The following CARMIL1 variants were observed in gnomAD, a reference collection of about 807,000 sequenced individuals.
CARMIL1 encodes the protein capping protein regulator and myosin 1 linker 1.
CARMIL1 carries 90 observed loss-of-function variants against 177.1 expected under a neutral mutation model. The observed-to-expected ratio is 0.51, with a 90% CI of 0.43 to 0.61. The LOEUF is 0.61. Among genes scored for constraint, CARMIL1 ranks in the 20% least tolerant of loss-of-function variants. The pLI is 0.00. For missense variants in CARMIL1, 1,380 were observed against 1,667.0 expected, an observed-to-expected ratio of 0.83 and a Z score of 3.00; for synonymous variants, 577 against 606.2, an observed-to-expected ratio of 0.95 and a Z score of 0.71.
chr6:25,584,883 C>T (rs1813489992), intron 31 of CARMIL1, among the ~76,000 whole-genome samples: 1 of 152,196 alleles, frequency 6.6e-6, no homozygotes, highest in Admixed American at 6.5e-5. Context: ...TTTGGGGTAG[C>T]ATGTCCCAAC....
chr6:25,410,737 A>G (rs935706354), intron 2 of CARMIL1, among the ~76,000 whole-genome samples: 1 of 152,106 alleles, frequency 6.6e-6, no homozygotes, highest in African/African-American at 2.4e-5. Context: ...TTTAGAGTTG[A>G]TTTGGTTTCT....
chr6:25,387,150 A>C (rs1013339231), intron 2 of CARMIL1, among the ~76,000 whole-genome samples: 8 of 151,530 alleles, frequency 5.3e-5, no homozygotes, highest in African/African-American at 1.7e-4. Context: ...CAGACTAGAT[A>C]ACACTCTATG....
intron 5 of CARMIL1, among the ~76,000 whole-genome samples, chr6:25,441,308 C>G (rs1797718639): frequency 1.2e-5 from 1 of 84,804 alleles, no homozygotes; most frequent in African/African-American, 5.0e-5. Flanking sequence ...TCAAAACAAA[C>G]AAACAAACAA....
chr6:25,585,051 T>C (rs767360707), intron 31 of CARMIL1, among the ~76,000 whole-genome samples: 8 of 152,192 alleles, frequency 5.3e-5, no homozygotes, highest in Non-Finnish European at 1.0e-4. Context: ...TAGATCTGGC[T>C]TTTTCCCAGA....
chr6:25,381,989 A>G (rs1465005247), intron 2 of CARMIL1, among the ~76,000 whole-genome samples: 5 of 152,226 alleles, frequency 3.3e-5, no homozygotes, highest in African/African-American at 1.2e-4. Context: ...AAACTCAAGT[A>G]TGATTGAAAA....
intron 5 of CARMIL1, among the ~76,000 whole-genome samples, chr6:25,436,727 T>C (rs72831267): frequency 0.25 from 38,142 of 152,144 alleles, 5,269 homozygotes; most frequent in Non-Finnish European, 0.31. Flanking sequence ...TGCCCTGTGC[T>C]TGCTGGTTGT....
chr6:25,577,484 G>A lies in CARMIL1; in HGVS notation c.2743-3440G>A, dbSNP rs371872541. ...TCTTTCTACAGCCTTGGTGGTGGGGGGAAGTAATTATGGATTCTTGAACTT... is the reference window on the plus strand; with the variant it reads ...TCTTTCTACAGCCTTGGTGGTGGGGAGAAGTAATTATGGATTCTTGAACTT... On this transcript the variant is annotated intron_variant, in intron 29 of 36. Transcript: ENST00000329474. The surrounding 1 kb of genome is among the most constrained non-coding windows in gnomAD (Gnocchi z 4.5). Among the ~76,000 whole-genome samples, 58 of 151,792 alleles carry A rather than the reference G, an allele frequency of 3.8e-4. No homozygotes were observed. The highest frequency in any genetic ancestry group is 1.2e-3 in the African/African-American group (50 of 41,386).
At chr6:25,400,336 T>G (rs1793783643) in intron 2 of CARMIL1, among the ~76,000 whole-genome samples, 1 of 152,198 alleles carries the variant, frequency 6.6e-6, no homozygotes, top group African/African-American at 2.4e-5. Flanking sequence ...TCTGACTGCT[T>G]TATCTTCAGT....
At chr6:25,432,786 A>G (rs1162934638) in intron 4 of CARMIL1, 2 of 152,332 alleles carry the variant, frequency 1.3e-5, no homozygotes, top group East Asian at 3.9e-4. Context: ...CAGGTCTGTT[A>G]GCTGGGGATT....
rs1369492739 is a variant in CARMIL1, at chr6:25,460,957, TCACCG to T, written c.615-4915_615-4911del. Among the ~76,000 whole-genome samples the T allele has an allele frequency of 1.7e-3, 256 of 152,354 alleles. 2 individuals carry two copies. The highest frequency in any genetic ancestry group is 5.9e-3 in the African/African-American group (246 of 41,578). On this transcript the variant is annotated intron_variant, in intron 8 of 36. Transcript: ENST00000329474. ...AAGACTTACATGTATCAATTTTCAA[TCACCG>T]TTCCCTCCTTCTCCGCTTGCCCCAC... is the stretch of plus-strand genomic sequence containing the variant.
intron 2 of CARMIL1, among the ~76,000 whole-genome samples, chr6:25,362,394 G>T (rs1789306161): frequency 6.6e-6 from 1 of 152,226 alleles, no homozygotes. Flanking sequence ...CACTACACGG[G>T]CCGGGCGTGG....
In CARMIL1 at chr6:25,326,579, A is replaced by C. The variant is rs998837166; in HGVS notation, c.138+41670A>C. ...CAGAATGACCTGGAAACCTGTAAGA[A>C]ATGCATACTTCAAGTCTTATTATGG... On this transcript the variant is annotated intron_variant, in intron 2 of 36. Coordinates refer to ENST00000329474, the MANE Select transcript of CARMIL1 (RefSeq NM_017640.6). The surrounding 1 kb of genome is among the most constrained non-coding windows in gnomAD (Gnocchi z 4.2). 1.6e-4 allele frequency among the ~76,000 whole-genome samples: 25 copies of C among 152,308 alleles called. No individual in the cohort carries two copies. Among genetic ancestry groups the C allele is most frequent in the African/African-American group, 5.8e-4 (24 of 41,578 alleles).
chr6:25,476,052 A>G (rs1012968101), intron 11 of CARMIL1, among the ~76,000 whole-genome samples: 1 of 152,190 alleles, frequency 6.6e-6, no homozygotes, highest in Non-Finnish European at 1.5e-5. Flanking sequence ...TCCACAATCA[A>G]CAAATATTTT....
chr6:25,284,054 A>G (rs918582174), intron 1 of CARMIL1, among the ~76,000 whole-genome samples: 1 of 152,036 alleles, frequency 6.6e-6, no homozygotes, highest in Non-Finnish European at 1.5e-5. Flanking sequence ...TATTCCCCAA[A>G]CATCATGTCA....
At chr6:25,399,959 A>G (rs1490250303) in intron 2 of CARMIL1, among the ~76,000 whole-genome samples, 2 of 152,170 alleles carry the variant, frequency 1.3e-5, no homozygotes, top group Non-Finnish European at 1.5e-5. Flanking sequence ...ATACTACATT[A>G]TGTGTTTTTA....
At chr6:25,609,611 T>TATGCATGC (rs1382222532) in intron 35 of CARMIL1, among the ~76,000 whole-genome samples, 1 of 152,154 alleles carries the variant, frequency 6.6e-6, no homozygotes, top group Non-Finnish European at 1.5e-5. Context: ...GACCTACATA[T>TATGCATGC]ATGCATGCAT....
At chr6:25,381,673 A>G (rs1791553543) in intron 2 of CARMIL1, among the ~76,000 whole-genome samples, 1 of 152,206 alleles carries the variant, frequency 6.6e-6, no homozygotes, top group East Asian at 1.9e-4. Flanking sequence ...GCACAGGACA[A>G]GGTATAGAGG....
At chr6:25,573,280 GCTGT>G (rs1479960949) in intron 29 of CARMIL1, among the ~76,000 whole-genome samples, 30 of 152,110 alleles carry the variant, frequency 2.0e-4, no homozygotes, top group Non-Finnish European at 3.5e-4. Context: ...AAAGTGTTCT[GCTGT>G]CTATTACATG....
At chr6:25,368,825 T>C (rs1018243888) in intron 2 of CARMIL1, among the ~76,000 whole-genome samples, 1 of 152,234 alleles carries the variant, frequency 6.6e-6, no homozygotes, top group African/African-American at 2.4e-5. Context: ...ATATTCTTCC[T>C]TGTCCCAGAC....
Sources: gnomAD v4.1 joint callset for allele counts (sites outside exome capture counted in the v4.1 genomes callset) on GRCh38, gnomAD v4.1.1 for gene constraint, Gnocchi (gnomAD v3.1) non-coding constraint, MANE v1.5 for transcripts, NCBI Gene and HGNC (gene_info 2026-07-23, HGNC 2026-07-21) for gene names.